Variants in PPP3CA observed in about 807,000 individuals in gnomAD.
PPP3CA encodes CAM-PRP catalytic subunit.
Under a neutral mutation model 66.5 loss-of-function variants are expected in PPP3CA, and 14 were observed. That is an observed-to-expected ratio of 0.21 (90% CI 0.14 to 0.33). The LOEUF is 0.33. Among genes scored for constraint, PPP3CA ranks in the 10% least tolerant of loss-of-function variants. The pLI is 1.00. For missense variants in PPP3CA, 317 were observed against 639.5 expected (o/e 0.50, Z 5.44); for synonymous variants, 232 against 226.2 (o/e 1.03, Z -0.23).
At chr4:101,149,017 T>C (rs557979307) in intron 2 of PPP3CA, among the ~76,000 whole-genome samples, 3 of 152,186 alleles carry the variant, frequency 2.0e-5, no homozygotes, top group African/African-American at 4.8e-5. Flanking sequence ...TTGTGTCTTG[T>C]TGAAGTTTCC....
chr4:101,233,316 C>T (rs1726024172), intron 1 of PPP3CA, among the ~76,000 whole-genome samples: 1 of 151,718 alleles, frequency 6.6e-6, no homozygotes, highest in Admixed American at 6.6e-5. Flanking sequence ...GCTTTTAGTG[C>T]TAAATCCACA....
chr4:101,304,280 T>C (rs1162692923), intron 1 of PPP3CA, among the ~76,000 whole-genome samples: 5 of 152,222 alleles, frequency 3.3e-5, no homozygotes, highest in Non-Finnish European at 7.3e-5. Flanking sequence ...TATAGTACTA[T>C]CTTTGGTGAG....
chr4:101,322,484 C>G (rs1416708623), intron 1 of PPP3CA, among the ~76,000 whole-genome samples: 1 of 150,662 alleles, frequency 6.6e-6, no homozygotes, highest in Admixed American at 6.6e-5. Flanking sequence ...AATCTCAGCT[C>G]ACTACAACCT....
chr4:101,121,989 G>A (rs1159683223), intron 2 of PPP3CA, among the ~76,000 whole-genome samples: 1 of 152,116 alleles, frequency 6.6e-6, no homozygotes, highest in East Asian at 1.9e-4. Context: ...ATCTAGTTTA[G>A]AGGCTCTCTA....
At chr4:101,324,939 G>C (rs1729166304) in intron 1 of PPP3CA, among the ~76,000 whole-genome samples, 1 of 152,166 alleles carries the variant, frequency 6.6e-6, no homozygotes, top group Non-Finnish European at 1.5e-5. Flanking sequence ...AGCTGGAACA[G>C]AACACAAAGA....
At chr4:101,139,180 A>G (rs766215507) in intron 2 of PPP3CA, among the ~76,000 whole-genome samples, 6 of 151,920 alleles carry the variant, frequency 3.9e-5, no homozygotes, top group Non-Finnish European at 7.4e-5. Context: ...CGTCTCTACT[A>G]AAAATACAAA....
intron 1 of PPP3CA, among the ~76,000 whole-genome samples, chr4:101,254,097 A>G (rs996753100): frequency 3.9e-5 from 6 of 152,056 alleles, no homozygotes; most frequent in African/African-American, 1.4e-4. Flanking sequence ...ATATCCAAAG[A>G]GGCCAAGTCA....
intron 1 of PPP3CA, among the ~76,000 whole-genome samples, chr4:101,231,184 C>T (rs977673700): frequency 2.6e-5 from 4 of 151,684 alleles, no homozygotes; most frequent in Admixed American, 6.6e-5. Flanking sequence ...CAATGATGCA[C>T]TGGCCAGGGC....
chr4:101,141,256 G>A (rs983007399), intron 2 of PPP3CA, among the ~76,000 whole-genome samples: 1 of 152,116 alleles, frequency 6.6e-6, no homozygotes, highest in Non-Finnish European at 1.5e-5. Context: ...TGTAATCACA[G>A]CTACTTGACA....
chr4:101,038,789 T>A (rs1410381167), intron 11 of PPP3CA, among the ~76,000 whole-genome samples: 2 of 152,226 alleles, frequency 1.3e-5, no homozygotes, highest in Non-Finnish European at 2.9e-5. Flanking sequence ...AAGCTTAACT[T>A]ACTTTTTTCT....
In PPP3CA at chr4:101,108,993, G is replaced by A. The variant is rs765912235; in HGVS notation, c.345C>T (p.Phe115=). ...GGSPANTRYL[F]LGDYVDRGYF... Reference sequence around the variant, plus strand: ...ACCCTCTGTCAACATAGTCCCCTAAGAAGAGGTAGCGAGTGTTGGCAGGAG... The same window carrying A: ...ACCCTCTGTCAACATAGTCCCCTAAAAAGAGGTAGCGAGTGTTGGCAGGAG... Residue 115 remains phenylalanine (F), a synonymous_variant, in exon 3 of 14, where the codon TTC becomes TTT. Transcript: ENST00000394854. 12 of 1,613,608 alleles carry A rather than the reference G, an allele frequency of 7.4e-6. No individual in the cohort carries two copies. The African/African-American group carries it at 1.2e-4, about 16-fold the overall frequency.
At chr4:101,068,125 T>C (rs1728760226) in intron 8 of PPP3CA, among the ~76,000 whole-genome samples, 1 of 152,108 alleles carries the variant, frequency 6.6e-6, no homozygotes, top group Admixed American at 6.6e-5. Context: ...CATCTCCTTA[T>C]CTCTAACTGA....
chr4:101,049,892 G>A (rs999564181), intron 10 of PPP3CA, among the ~76,000 whole-genome samples: 1 of 152,106 alleles, frequency 6.6e-6, no homozygotes, highest in African/African-American at 2.4e-5. Flanking sequence ...TCCTTCATCT[G>A]ACCGTGGAGA....
At chr4:101,232,846 T>C (rs1228385234) in intron 1 of PPP3CA, among the ~76,000 whole-genome samples, 1 of 151,804 alleles carries the variant, frequency 6.6e-6, no homozygotes, top group Non-Finnish European at 1.5e-5. Context: ...CTGATGTTTT[T>C]CCATTTTTAA....
chr4:101,330,505 T>G, intron 1 of PPP3CA: 1 of 503,158 alleles, frequency 2.0e-6, no homozygotes, highest in Non-Finnish European at 4.1e-6. Flanking sequence ...ATTTTTTAAG[T>G]GAAGTATGTA....
At chr4:101,190,136 T>C (rs1389994530) in intron 2 of PPP3CA, among the ~76,000 whole-genome samples, 1 of 152,080 alleles carries the variant, frequency 6.6e-6, no homozygotes, top group East Asian at 1.9e-4. Context: ...TAAGAAAATA[T>C]TCCTTCCTTA....
intron 1 of PPP3CA, among the ~76,000 whole-genome samples, chr4:101,315,506 A>C (rs1157533765): frequency 6.6e-6 from 1 of 152,220 alleles, no homozygotes; most frequent in Non-Finnish European, 1.5e-5. Flanking sequence ...ATTCACTGAC[A>C]TTGACATGTG....
chr4:101,098,198 C>T (rs1030488463), intron 5 of PPP3CA, among the ~76,000 whole-genome samples, 169 bp downstream of exon 5: 2 of 152,128 alleles, frequency 1.3e-5, no homozygotes, highest in Non-Finnish European at 2.9e-5. Context: ...CAAGTATAAA[C>T]ATATCTCTCT....
In PPP3CA at chr4:101,092,894, G is replaced by T. The variant is rs561213081; in HGVS notation, c.782+882C>A. On this transcript the variant is annotated intron_variant, in intron 6 of 13. Transcript: ENST00000394854. ...GGGTTGGTTCCAAGTCTTTGCTATT[G>T]TAAATAGTGCTGCAATAAACATGCA... 2.2e-3 allele frequency among the ~76,000 whole-genome samples: 336 copies of T among 152,154 alleles called. 1 individual carries two copies. Among genetic ancestry groups the T allele is most frequent in the Non-Finnish European group, 4.0e-3 (269 of 68,002 alleles).
Sources: allele counts gnomAD v4.1 joint callset (sites outside exome capture counted in the v4.1 genomes callset), GRCh38; gene constraint gnomAD v4.1.1; transcripts MANE v1.5; gene names NCBI Gene and HGNC (gene_info 2026-07-23, HGNC 2026-07-21).